FARP2: variants seen among roughly 807,000 people sequenced by gnomAD.
FARP2 encodes the protein FERM, ARH/RhoGEF and pleckstrin domain protein 2, also known as FERM, ARHGEF and pleckstrin domain-containing protein 2.
A neutral mutation model predicts 130.5 loss-of-function variants in FARP2; 111 were observed. That is an observed-to-expected ratio of 0.85 (90% CI 0.73 to 1.00). FARP2 has a LOEUF of 1.00. Ranked by LOEUF, FARP2 falls within the 50% of genes least tolerant of loss-of-function variation. The pLI is 0.00. For missense variants in FARP2, 1,385 were observed against 1,346.3 expected (o/e 1.03, Z -0.45); for synonymous variants, 504 against 516.9 (o/e 0.98, Z 0.34).
intron 12 of FARP2, among the ~76,000 whole-genome samples, chr2:241,437,050 A>G (rs1307216686): frequency 1.3e-5 from 2 of 152,210 alleles, no homozygotes; most frequent in East Asian, 3.8e-4. Flanking sequence ...ATACACCACA[A>G]AATCCTGACA....
At chr2:241,418,166 T>G in intron 8 of FARP2, 57 bp downstream of exon 8, 1 of 1,586,602 alleles carries the variant, frequency 6.3e-7, no homozygotes, top group Non-Finnish European at 8.6e-7. Flanking sequence ...TTCTGCAACC[T>G]GGTGGGGTTT....
At chr2:241,452,969 G>A (rs1258271489) in intron 13 of FARP2, among the ~76,000 whole-genome samples, 1 of 151,376 alleles carries the variant, frequency 6.6e-6, no homozygotes, top group African/African-American at 2.4e-5. Context: ...AATGTTTAAC[G>A]GTAATTTGTG....
intron 6 of FARP2, among the ~76,000 whole-genome samples, chr2:241,412,842 A>G (rs60604866): frequency 0.11 from 16,842 of 152,188 alleles, 1,190 homozygotes; most frequent in Non-Finnish European, 0.15. Context: ...AGCCTGGGCA[A>G]TGTGGCAAAA....
intron 13 of FARP2, among the ~76,000 whole-genome samples, chr2:241,453,239 A>G (rs1430090214): frequency 6.6e-6 from 1 of 152,028 alleles, no homozygotes; most frequent in African/African-American, 2.4e-5. Context: ...CTGAGGCACA[A>G]GAATGGCATG....
At chr2:241,407,100 G>T (rs190088364) in intron 4 of FARP2, among the ~76,000 whole-genome samples, 420 of 152,280 alleles carry the variant, frequency 2.8e-3, no homozygotes, top group Non-Finnish European at 4.7e-3. Flanking sequence ...GAGCCACCGC[G>T]CCCAGCCCTA....
In FARP2 at chr2:241,411,110, T is replaced by G; in HGVS notation, c.488T>G (p.Leu163Arg). 1.2e-6 allele frequency: 2 copies of G among 1,610,752 alleles called. No individual in the cohort carries two copies. Among genetic ancestry groups the G allele is most frequent in the Non-Finnish European group, 1.7e-6 (2 of 1,178,024 alleles). ...LTCADTTAALLTSHLLQSEIG... is the reference protein window; with the variant it reads ...LTCADTTAALRTSHLLQSEIG... ...TGTGCTGACACCACAGCGGCCCTTC[T>G]CACGTCCCATCTCCTGCAGTGTGAG... The change falls in exon 6 of 27, where the codon CTC becomes CGC. Residue 163 changes from leucine (L) to arginine (R), a missense_variant. Transcript: ENST00000264042.
chr2:241,442,402 G>T, intron 13 of FARP2: 1 of 456,594 alleles, frequency 2.2e-6, no homozygotes, highest in Non-Finnish European at 4.4e-6. Context: ...TGAAACCGAG[G>T]CCCCCCTAGA....
intron 2 of FARP2, among the ~76,000 whole-genome samples, chr2:241,396,675 CAG>C (rs2062038061): frequency 6.6e-6 from 1 of 152,184 alleles, no homozygotes; most frequent in Non-Finnish European, 1.5e-5. Flanking sequence ...ATTAAAAAGT[CAG>C]GGAGCAACAG....
At chr2:241,397,293 C>G (rs1348592269) in intron 2 of FARP2, among the ~76,000 whole-genome samples, 1 of 151,982 alleles carries the variant, frequency 6.6e-6, no homozygotes, top group Non-Finnish European at 1.5e-5. Flanking sequence ...ATGTAACTAA[C>G]CTGCACATTG....
rs200102806 is a variant in FARP2 at position 241,468,203 on chromosome 2, C to G, written c.1957C>G (p.Arg653Gly). Residue 653 changes from arginine (R) to glycine (G), a missense_variant, in exon 18 of 27, where the codon CGC becomes GGC. Transcript: ENST00000264042. The stretch of plus-strand genomic sequence containing the variant: ...AACAGAACTGGAAAAGGCTACCAAA[C>G]GCTGTAAGAAGTTGGAGGCAGTGTA... ...VLTELEKATK[R>G]CKKLEAVYKE... The G allele has an allele frequency of 2.5e-5, 41 of 1,614,030 alleles. No homozygotes were observed. Among genetic ancestry groups the G allele is most frequent in the Non-Finnish European group, 5.9e-6 (7 of 1,180,018 alleles).
chr2:241,438,934 T>C (rs1002000569), intron 12 of FARP2, among the ~76,000 whole-genome samples: 1 of 151,828 alleles, frequency 6.6e-6, no homozygotes, highest in African/African-American at 2.4e-5. Flanking sequence ...CGGCCAACTC[T>C]TTTAGATATG....
chr2:241,440,164 T>G (rs1337970702), intron 12 of FARP2, among the ~76,000 whole-genome samples: 1 of 152,210 alleles, frequency 6.6e-6, no homozygotes, highest in Non-Finnish European at 1.5e-5. Context: ...ACATTTGCAC[T>G]TTTTACATAT....
intron 8 of FARP2, among the ~76,000 whole-genome samples, chr2:241,427,277 A>T (rs542973174): frequency 1.3e-3 from 191 of 152,296 alleles, no homozygotes; most frequent in African/African-American, 4.3e-3. Flanking sequence ...GTAATTTTTT[A>T]AAAAATACAA....
At chr2:241,444,699 A>G (rs1403219178) in intron 13 of FARP2, 1 of 152,222 alleles carries the variant, frequency 6.6e-6, no homozygotes, top group East Asian at 1.9e-4. Context: ...GTTCTTGGGC[A>G]TCTTCTACTA....
intron 19 of FARP2, among the ~76,000 whole-genome samples, chr2:241,480,125 T>C (rs945945110): frequency 6.6e-6 from 1 of 152,164 alleles, no homozygotes; most frequent in Non-Finnish European, 1.5e-5. Context: ...CCAAGCTCTT[T>C]GTTTCTGGAA....
At chr2:241,357,539 C>T (rs2061096376) in intron 1 of FARP2, among the ~76,000 whole-genome samples, 1 of 152,144 alleles carries the variant, frequency 6.6e-6, no homozygotes, top group Non-Finnish European at 1.5e-5. Flanking sequence ...ATTCAGTTTT[C>T]CAAAACTCTT....
intron 8 of FARP2, among the ~76,000 whole-genome samples, chr2:241,424,165 C>G (rs2062875373): frequency 6.6e-6 from 1 of 152,172 alleles, no homozygotes; most frequent in South Asian, 2.1e-4. Context: ...ATAAATTCTT[C>G]TCATCACCAC....
intron 13 of FARP2, among the ~76,000 whole-genome samples, chr2:241,453,924 C>T (rs914861186): frequency 2.7e-5 from 4 of 147,624 alleles, no homozygotes; most frequent in South Asian, 2.2e-4. Context: ...GGTGGTATTA[C>T]GGGCACATGC....
At position 241,413,390 on chromosome 2, in the gene FARP2, G is replaced by A; in HGVS notation, c.592G>A (p.Glu198Lys). ...EYLPGQQHCL[E>K]KILEFHQKHV... Reference sequence around the variant, plus strand: ...TTTGCCTGGCCAGCAGCACTGCCTTGAGAAGATACTAGAATTCCATCAGAA... The same window carrying A: ...TTTGCCTGGCCAGCAGCACTGCCTTAAGAAGATACTAGAATTCCATCAGAA... Residue 198 changes from glutamate to lysine, a missense_variant, in exon 7 of 27, where the codon GAG becomes AAG. Coordinates refer to ENST00000264042, the MANE Select transcript of FARP2 (RefSeq NM_014808.4). 6.2e-7 allele frequency: 1 copy of A among 1,611,698 alleles called. No individual in the cohort carries two copies. The highest frequency in any genetic ancestry group is 8.5e-7 in the Non-Finnish European group (1 of 1,179,078).
Sources: gnomAD v4.1 joint callset for allele counts (sites outside exome capture counted in the v4.1 genomes callset) on GRCh38, gnomAD v4.1.1 for gene constraint, MANE v1.5 for transcripts, NCBI Gene and HGNC (gene_info 2026-07-23, HGNC 2026-07-21) for gene names.